The following CRLF2 variants were observed in gnomAD, a reference collection of about 807,000 sequenced individuals.
CRLF2 encodes cytokine receptor-like factor 2.
A neutral mutation model predicts 38.7 loss-of-function variants in CRLF2; 41 were observed. The ratio of observed to expected loss-of-function variants is 1.06; its 90% CI spans 0.83 to 1.37. CRLF2 has a LOEUF of 1.37. CRLF2 is among the 40% of genes most tolerant of loss of function. The probability of loss-of-function intolerance (pLI) is 0.00; values close to 1 mark genes in which losing one functional copy is unlikely to be tolerated. For synonymous variants in CRLF2, 140 were observed against 128.8 expected (o/e 1.09, Z -0.59); for missense variants, 377 against 322.2 (o/e 1.17, Z -1.30).
intron 6 of CRLF2, among the ~76,000 whole-genome samples, chrX:1,194,662 G>A (rs1220518007): frequency 6.6e-6 from 1 of 152,076 alleles, no homozygotes; most frequent in Non-Finnish European, 1.5e-5. Context: ...GAGATGGGGA[G>A]TCTCTAAAAA....
intron 1 of CRLF2, among the ~76,000 whole-genome samples, chrX:1,209,867 C>T (rs1180238025): frequency 4.0e-5 from 6 of 151,552 alleles, no homozygotes; most frequent in African/African-American, 9.7e-5. Flanking sequence ...ACTGGGAGGC[C>T]GAGGCGGGTG....
At chrX:1,207,472 G>A (rs2086711789) in intron 2 of CRLF2, among the ~76,000 whole-genome samples, 1 of 146,956 alleles carries the variant, frequency 6.8e-6, no homozygotes, top group Admixed American at 7.0e-5. Flanking sequence ...TGGCCAGGCT[G>A]GTCTTGAACT....
chrX:1,191,295 C>CTCTTTTTCTT (rs1556415441), intron 7 of CRLF2, 135 bp from the exon 8 acceptor site: 8 of 331,124 alleles, frequency 2.4e-5, no homozygotes, highest in Non-Finnish European at 3.0e-5. Context: ...CTTTTCTTTT[C>CTCTTTTTCTT]TCTTTCTTTC....
chrX:1,212,625 G>A lies in CRLF2; in HGVS notation c.10C>T (p.Leu4=). Reference sequence around the variant, plus strand: ...ACGGCAGCTCCCCACAGCAGAACCAGCCGCCCCATGCCTGAAACAGGAGTG... The same window carrying A: ...ACGGCAGCTCCCCACAGCAGAACCAACCGCCCCATGCCTGAAACAGGAGTG... The part of the protein sequence containing the change: MGR[L]VLLWGAAVFL... The change falls in exon 1 of 8, where the codon CTG becomes TTG. Residue 4 remains leucine (L), a synonymous_variant. Coordinates refer to ENST00000400841, the MANE Select transcript of CRLF2 (RefSeq NM_022148.4). The A allele has an allele frequency of 2.5e-6, 4 of 1,611,660 alleles. No homozygotes were observed. Among genetic ancestry groups the A allele is most frequent in the Non-Finnish European group, 3.4e-6 (4 of 1,178,344 alleles).
intron 1 of CRLF2, 139 bp downstream of exon 1, chrX:1,212,416 CG>C (rs1556427506): frequency 2.8e-4 from 156 of 563,710 alleles, no homozygotes; most frequent in African/African-American, 1.1e-3. Context: ...TGCTTGAACC[CG>C]GAAAAAAAAA....
intron 4 of CRLF2, among the ~76,000 whole-genome samples, chrX:1,199,399 G>A (rs779685916): frequency 6.6e-6 from 1 of 152,074 alleles, no homozygotes; most frequent in Admixed American, 6.6e-5. Flanking sequence ...CTGCCTGTCG[G>A]GTTCAAGCAA....
intron 1 of CRLF2, among the ~76,000 whole-genome samples, chrX:1,209,532 T>C (rs191922549): frequency 0.016 from 2,162 of 138,726 alleles, 49 homozygotes; most frequent in African/African-American, 0.053. Context: ...GGGGTTTCAC[T>C]GTGTTAGCCA....
intron 6 of CRLF2, among the ~76,000 whole-genome samples, 200 bp downstream of exon 6, chrX:1,196,580 C>A (rs9803513): frequency 0.011 from 1,628 of 151,940 alleles, 23 homozygotes; most frequent in Middle Eastern, 0.038. Context: ...CTTGGTCTCC[C>A]CAAGTGCTGG....
chrX:1,202,269 G>A, intron 4 of CRLF2, 133 bp downstream of exon 4: 1 of 1,040,630 alleles, frequency 9.6e-7, no homozygotes, highest in South Asian at 1.6e-5. Context: ...GCTCTCTCAG[G>A]AAGATACAGC....
chrX:1,194,436 T>C (rs2086444975), intron 6 of CRLF2, among the ~76,000 whole-genome samples: 1 of 152,106 alleles, frequency 6.6e-6, no homozygotes, highest in African/African-American at 2.4e-5. Flanking sequence ...CACTCCAGCC[T>C]GGGTGACAGA....
intron 4 of CRLF2, among the ~76,000 whole-genome samples, chrX:1,200,795 A>G (rs2086591886): frequency 6.6e-6 from 1 of 151,980 alleles, no homozygotes; most frequent in Non-Finnish European, 1.5e-5. Flanking sequence ...ATGTGTGTAT[A>G]TGCATGTGTA....
At chrX:1,200,135 G>A (rs1235080763) in intron 4 of CRLF2, among the ~76,000 whole-genome samples, 4 of 150,316 alleles carry the variant, frequency 2.7e-5, no homozygotes, top group African/African-American at 9.8e-5. Context: ...ATCTATACAT[G>A]TGTGTATATA....
rs780018008 is a variant in CRLF2, at chrX:1,198,588, G to A, written c.620C>T (p.Thr207Ile). 1.2e-6 allele frequency: 2 copies of A among 1,613,592 alleles called. No individual in the cohort carries two copies. Among genetic ancestry groups the A allele is most frequent in the South Asian group, 1.1e-5 (1 of 91,076 alleles). Residue 207 changes from threonine (T) to isoleucine (I), a missense_variant, in exon 5 of 8, where the codon ACA becomes ATA. Physicochemically the swap from Thr to Ile is moderately conservative, Grantham distance 89. Transcript: ENST00000400841. Reference sequence around the variant, plus strand: ...CCGAATCTCGCCTCTCTGCCAGCATGTCACCTCTGACCAGTCGCTTGGGTA... The same window carrying A: ...CCGAATCTCGCCTCTCTGCCAGCATATCACCTCTGACCAGTCGCTTGGGTA... Reference protein sequence around the residue: ...DTYPSDWSEVTCWQRGEIRDA... With the variant: ...DTYPSDWSEVICWQRGEIRDA...
intron 4 of CRLF2, among the ~76,000 whole-genome samples, chrX:1,199,413 T>C (rs2147835085): frequency 6.6e-6 from 1 of 152,244 alleles, no homozygotes; most frequent in East Asian, 1.9e-4. Flanking sequence ...CAAGCAATTC[T>C]TGTGCCTCAG....
At chrX:1,201,534 T>TAGATGATAGAGAGATAGATAGAG (rs2086607197) in intron 4 of CRLF2, among the ~76,000 whole-genome samples, 1 of 148,064 alleles carries the variant, frequency 6.8e-6, no homozygotes, top group South Asian at 2.2e-4. Flanking sequence ...GAGAGATAGA[T>TAGATGATAGAGAGATAGATAGAG]GATACATAGA....
Position 1,208,918 on chromosome X carries a change from G to C in CRLF2, c.80-10C>G, listed in dbSNP as rs767784639. Reference sequence around the variant, plus strand: ...ATCTGTACTCCTTCTGCTAGACACAGAGAGACGCATGAAGTTCACGGTGAG... The same window carrying C: ...ATCTGTACTCCTTCTGCTAGACACACAGAGACGCATGAAGTTCACGGTGAG... On this transcript the variant is annotated splice_polypyrimidine_tract_variant and intron_variant, in intron 1 of 7. Coordinates refer to ENST00000400841, the MANE Select transcript of CRLF2 (RefSeq NM_022148.4). 1 of 1,477,704 alleles carries C rather than the reference G, an allele frequency of 6.8e-7. No individual in the cohort carries two copies. The highest frequency in any genetic ancestry group is 2.3e-5 in the East Asian group (1 of 44,140). 91.5% of individuals were successfully genotyped at this position (1,477,704 alleles called of 1,614,324 possible).
intron 5 of CRLF2, among the ~76,000 whole-genome samples, 186 bp from the exon 6 acceptor site, chrX:1,197,086 TC>T (rs1185180251): frequency 7.3e-6 from 1 of 137,410 alleles, no homozygotes; most frequent in Non-Finnish European, 1.5e-5. Flanking sequence ...TGTCAGCAAA[TC>T]TTTTACTTTT....
chrX:1,210,406 C>T (rs1416299290), intron 1 of CRLF2, among the ~76,000 whole-genome samples: 10 of 152,092 alleles, frequency 6.6e-5, no homozygotes, highest in South Asian at 2.1e-4. Context: ...CTTTGCCTCC[C>T]GGGTTCATGC....
At chrX:1,201,173 A>C (rs1222824308) in intron 4 of CRLF2, among the ~76,000 whole-genome samples, 10 of 152,146 alleles carry the variant, frequency 6.6e-5, no homozygotes. Flanking sequence ...TAATTGGGAC[A>C]GCTGCATAGG....
Sources: allele counts gnomAD v4.1 joint callset (sites outside exome capture counted in the v4.1 genomes callset), GRCh38; gene constraint gnomAD v4.1.1; transcripts MANE v1.5; gene names NCBI Gene and HGNC (gene_info 2026-07-23, HGNC 2026-07-21).